ROBO2: variants seen among roughly 807,000 people sequenced by gnomAD.
The protein encoded by ROBO2 is roundabout homolog 2.
In ROBO2, 53 loss-of-function variants were observed where a neutral mutation model predicts 160.8. That is an observed-to-expected ratio of 0.33 (90% CI 0.26 to 0.41). The LOEUF (loss-of-function observed/expected upper bound fraction) is 0.41. Among genes scored for constraint, ROBO2 ranks in the 10% least tolerant of loss-of-function variants. The pLI, the probability that ROBO2 is intolerant of heterozygous loss-of-function variation, is 1.00. For missense variants in ROBO2, 1,577 were observed against 1,722.4 expected, an observed-to-expected ratio of 0.92 and a Z score of 1.49; for synonymous variants, 664 against 611.7, an observed-to-expected ratio of 1.09 and a Z score of -1.26.
At chr3:76,125,593 A>G (rs1387965367) in intron 2 of ROBO2, among the ~76,000 whole-genome samples, 3 of 151,948 alleles carry the variant, frequency 2.0e-5, no homozygotes, top group African/African-American at 7.2e-5. Context: ...TTCTCTGATA[A>G]TTAGTGATGC....
intron 2 of ROBO2, among the ~76,000 whole-genome samples, chr3:77,429,929 T>C (rs555589032): frequency 6.6e-6 from 1 of 152,270 alleles, no homozygotes; most frequent in Admixed American, 6.5e-5. Flanking sequence ...TGGTAGAGCC[T>C]AAGAGTGGGA....
intron 2 of ROBO2, among the ~76,000 whole-genome samples, chr3:77,176,009 G>C (rs764167644): frequency 4.6e-5 from 7 of 152,000 alleles, no homozygotes; most frequent in Non-Finnish European, 1.0e-4. Flanking sequence ...TATGGAAGCT[G>C]AGGTGGAGAA....
intron 2 of ROBO2, among the ~76,000 whole-genome samples, chr3:76,017,821 G>T (rs973257130): frequency 1.2e-4 from 19 of 152,028 alleles, no homozygotes; most frequent in Non-Finnish European, 1.6e-4. Context: ...CAGGATTATA[G>T]AGGATATTGA....
chr3:77,045,994 C>A (rs1172274255), intron 1 of ROBO2, among the ~76,000 whole-genome samples: 1 of 152,108 alleles, frequency 6.6e-6, no homozygotes, highest in Non-Finnish European at 1.5e-5. Context: ...ATCATCTATC[C>A]TTTGGTTTAC....
chr3:77,645,143 T>TTAGGCAAG (rs1409873057), intron 25 of ROBO2, among the ~76,000 whole-genome samples: 1 of 152,220 alleles, frequency 6.6e-6, no homozygotes, highest in Non-Finnish European at 1.5e-5. Context: ...TTGTTTTAAG[T>TTAGGCAAG]TAGGCAAGTA....
At chr3:76,547,399 C>A (rs1328159910) in intron 2 of ROBO2, among the ~76,000 whole-genome samples, 1 of 151,780 alleles carries the variant, frequency 6.6e-6, no homozygotes, top group East Asian at 1.9e-4. Context: ...TATAACACCA[C>A]ATGTTTTACA....
intron 2 of ROBO2, among the ~76,000 whole-genome samples, chr3:76,607,590 C>T (rs2087760034): frequency 1.3e-5 from 2 of 152,170 alleles, no homozygotes; most frequent in African/African-American, 2.4e-5. Context: ...AAAGAAGGCA[C>T]AACTCACTAA....
intron 2 of ROBO2, among the ~76,000 whole-genome samples, chr3:77,452,834 G>A (rs2081257317): frequency 6.6e-6 from 1 of 152,168 alleles, no homozygotes; most frequent in Non-Finnish European, 1.5e-5. Flanking sequence ...CCCAGTTGCA[G>A]AAACAGGTTT....
exon 15 of ROBO2, chr3:77,577,563 C>T (rs2093801791): frequency 6.2e-7 from 1 of 1,613,356 alleles, no homozygotes. Context: ...TTAGTGTTTC[C>T]TGGGATCCTC....
intron 2 of ROBO2, among the ~76,000 whole-genome samples, chr3:76,735,154 T>C (rs1460271899): frequency 1.3e-5 from 2 of 152,212 alleles, no homozygotes; most frequent in Admixed American, 1.3e-4. Flanking sequence ...ATCACAGTGC[T>C]ATTCACAATA....
chr3:77,063,722 C>T (rs1022962932), intron 1 of ROBO2, among the ~76,000 whole-genome samples: 6 of 152,158 alleles, frequency 3.9e-5, no homozygotes, highest in Admixed American at 2.6e-4. Flanking sequence ...AATAAATATT[C>T]GTTGAATTCA....
At chr3:76,896,571 A>G (rs936036226) in intron 2 of ROBO2, among the ~76,000 whole-genome samples, 5 of 152,172 alleles carry the variant, frequency 3.3e-5, no homozygotes, top group Admixed American at 1.3e-4. Context: ...TTTAAATGCT[A>G]TTATCCTCAA....
At chr3:76,621,001 G>A (rs780716147) in intron 2 of ROBO2, among the ~76,000 whole-genome samples, 4 of 152,242 alleles carry the variant, frequency 2.6e-5, no homozygotes, top group African/African-American at 4.8e-5. Flanking sequence ...TTATGTGCAC[G>A]GCTGACTCTG....
At chr3:77,119,607 A>G (rs185578161) in intron 2 of ROBO2, among the ~76,000 whole-genome samples, 1 of 152,344 alleles carries the variant, frequency 6.6e-6, no homozygotes, top group African/African-American at 2.4e-5. Flanking sequence ...ATGCTTTCAC[A>G]TAGAAACGGA....
intron 2 of ROBO2, among the ~76,000 whole-genome samples, chr3:76,599,007 A>T (rs2086919333): frequency 6.6e-6 from 1 of 152,158 alleles, no homozygotes; most frequent in East Asian, 1.9e-4. Flanking sequence ...AAGTAACCTC[A>T]TCTTTAATTA....
chr3:76,606,447 G>A (rs562197926), intron 2 of ROBO2, among the ~76,000 whole-genome samples: 37 of 152,264 alleles, frequency 2.4e-4, no homozygotes, highest in Admixed American at 2.0e-3. Flanking sequence ...AAGCCCTGTG[G>A]AATAGAAATA....
rs1407216395 is a variant in ROBO2 at position 77,527,118 on chromosome 3, C to T, written c.934+4216C>T. ...AACACAAGACTGTTTAACTCAAGAT[C>T]TTTGAAATAATAACTGCAGTAAGTG... On this transcript the variant is annotated intron_variant, in intron 6 of 25. Coordinates refer to ENST00000461745, the Ensembl canonical transcript of ROBO2. 3.3e-5 allele frequency among the ~76,000 whole-genome samples: 5 copies of T among 151,388 alleles called. No homozygotes were observed. The Admixed American group carries it at 3.3e-4, about 10-fold the overall frequency.
intron 2 of ROBO2, among the ~76,000 whole-genome samples, chr3:77,147,063 G>T (rs1456868206): frequency 2.6e-5 from 4 of 152,126 alleles, no homozygotes; most frequent in African/African-American, 9.7e-5. Context: ...ATATGCACCT[G>T]TTTATGGTAG....
At chr3:77,588,657 T>G (rs1431810017) in intron 16 of ROBO2, 94 bp from the exon 18 acceptor site, 1 of 1,187,672 alleles carries the variant, frequency 8.4e-7, no homozygotes, top group African/African-American at 1.5e-5. Flanking sequence ...TTTCCTGCCT[T>G]CAAATAATTT....
Sources: allele counts gnomAD v4.1 joint callset (sites outside exome capture counted in the v4.1 genomes callset), GRCh38; gene constraint gnomAD v4.1.1; transcripts MANE v1.5; gene names NCBI Gene and HGNC (gene_info 2026-07-23, HGNC 2026-07-21).